PCDHGA8: variants seen among roughly 807,000 people sequenced by gnomAD.
PCDHGA8 encodes protocadherin gamma-A8.
Under a neutral mutation model 59.2 loss-of-function variants are expected in PCDHGA8, and 45 were observed. The observed-to-expected ratio is 0.76, with a 90% CI of 0.60 to 0.98. The LOEUF (loss-of-function observed/expected upper bound fraction) is 0.98, where lower values mean the gene tolerates loss of function less well. Ranked by LOEUF, PCDHGA8 falls within the 50% of genes least tolerant of loss-of-function variation. The pLI is 0.00. For synonymous variants in PCDHGA8, 531 were observed against 519.0 expected (o/e 1.02, Z -0.32); for missense variants, 1,257 against 1,196.2 (o/e 1.05, Z -0.75).
At chr5:141,453,178 A>G (rs939398654) in intron 1 of PCDHGA8, among the ~76,000 whole-genome samples, 1 of 152,128 alleles carries the variant, frequency 6.6e-6, no homozygotes, top group African/African-American at 2.4e-5. Flanking sequence ...CAGTGGTACA[A>G]TCACAGCTCA....
In PCDHGA8 at chr5:141,485,013, C is replaced by A. The variant is rs551059588; in HGVS notation, c.2425-9794C>A. ...GTGAAAGGCAGACAAATCTACCCCG[C>A]CACCAGCAAAAACGGCGCGTAACCC... On this transcript the variant is annotated intron_variant, in intron 1 of 3. Coordinates refer to ENST00000398604, the MANE Select transcript of PCDHGA8 (RefSeq NM_032088.2). This position sits in a 1 kb window ranked among gnomAD's most constrained non-coding sequence, Gnocchi z 5.7. The A allele has an allele frequency of 6.3e-6, 4 of 634,556 alleles. No homozygotes were observed. Among genetic ancestry groups the A allele is most frequent in the South Asian group, 3.9e-5 (2 of 51,594 alleles). The allele number at this position is 634,556 out of a possible 1,614,324, so 39.3% of individuals were successfully genotyped here. A position where few individuals can be genotyped will look rare whatever the true frequency, so the allele number is the denominator to read the frequency against.
chr5:141,400,050 T>C (rs2093950243), intron 1 of PCDHGA8: 2 of 1,613,616 alleles, frequency 1.2e-6, no homozygotes, highest in Non-Finnish European at 1.7e-6. Flanking sequence ...TGCTGGTTGC[T>C]GTGCGTGATG....
At chr5:141,457,607 T>C (rs578113551) in intron 1 of PCDHGA8, among the ~76,000 whole-genome samples, 2 of 152,360 alleles carry the variant, frequency 1.3e-5, no homozygotes, top group African/African-American at 4.8e-5. Context: ...AAACTAATTA[T>C]GAATGAACTT....
intron 1 of PCDHGA8, among the ~76,000 whole-genome samples, chr5:141,455,201 CAATAAGAGTTTTT>C (rs1373301624): frequency 6.6e-6 from 1 of 151,722 alleles, no homozygotes; most frequent in Non-Finnish European, 1.5e-5. Flanking sequence ...AATTTACAAC[CAATAAGAGTTTTT>C]AATGCTTTGA....
intron 1 of PCDHGA8, among the ~76,000 whole-genome samples, chr5:141,457,459 C>G (rs749463185): frequency 1.6e-4 from 24 of 152,166 alleles, no homozygotes; most frequent in Non-Finnish European, 3.4e-4. Context: ...CCACTTGATT[C>G]ACAGGAATAA....
chr5:141,400,493 A>G, intron 1 of PCDHGA8: 2 of 1,614,014 alleles, frequency 1.2e-6, no homozygotes, highest in South Asian at 2.2e-5. Flanking sequence ...CCACTTTGTA[A>G]TTCCAGCGAG....
At chr5:141,465,757 T>C (rs2099108578) in intron 1 of PCDHGA8, among the ~76,000 whole-genome samples, 1 of 152,046 alleles carries the variant, frequency 6.6e-6, no homozygotes, top group South Asian at 2.1e-4. Context: ...ACTGGTAAAG[T>C]CATGTTTCAT....
intron 1 of PCDHGA8, chr5:141,441,182 CA>C (rs1434822697): frequency 6.6e-6 from 1 of 152,140 alleles, no homozygotes; most frequent in African/African-American, 2.4e-5. Flanking sequence ...TCTAATTCCA[CA>C]ATGATTCCCA....
intron 1 of PCDHGA8, chr5:141,422,019 G>C: frequency 6.2e-7 from 1 of 1,610,862 alleles, no homozygotes; most frequent in Non-Finnish European, 8.5e-7. Context: ...GGGTGCTGAT[G>C]GTTAATGCAA....
chr5:141,427,832 T>C, intron 1 of PCDHGA8: 1 of 1,540,264 alleles, frequency 6.5e-7, no homozygotes, highest in Non-Finnish European at 8.9e-7. Flanking sequence ...TCGCGCAGCG[T>C]GCCTTCGACC....
At chr5:141,503,981 C>T (rs774655880) in intron 2 of PCDHGA8, among the ~76,000 whole-genome samples, 4 of 152,300 alleles carry the variant, frequency 2.6e-5, no homozygotes, top group East Asian at 1.9e-4. Flanking sequence ...CCAAACCCTT[C>T]TTCTTACCTT....
chr5:141,436,817 TA>T (rs1431750380), intron 1 of PCDHGA8, among the ~76,000 whole-genome samples: 1 of 152,244 alleles, frequency 6.6e-6, no homozygotes, highest in Non-Finnish European at 1.5e-5. Context: ...ACAGCTGGTT[TA>T]AAAATCTTAA....
chr5:141,413,418 G>C (rs748857146), intron 1 of PCDHGA8: 1 of 1,614,084 alleles, frequency 6.2e-7, no homozygotes, highest in Admixed American at 1.7e-5. Context: ...TTTTCTCTCT[G>C]AACCCGCGCA....
chr5:141,419,522 C>A, intron 1 of PCDHGA8: 4 of 1,612,178 alleles, frequency 2.5e-6, no homozygotes, highest in Non-Finnish European at 3.4e-6. Context: ...GGTGGGCGAC[C>A]GTAACGACAA....
chr5:141,455,529 G>A (rs2098825323), intron 1 of PCDHGA8, among the ~76,000 whole-genome samples: 1 of 152,146 alleles, frequency 6.6e-6, no homozygotes, highest in Non-Finnish European at 1.5e-5. Flanking sequence ...GGTTTGACCA[G>A]GCATATCATT....
chr5:141,458,165 A>T lies in PCDHGA8; in HGVS notation c.2425-36642A>T, dbSNP rs10075475. On this transcript the variant is annotated intron_variant, in intron 1 of 3. Coordinates refer to ENST00000398604, the MANE Select transcript of PCDHGA8 (RefSeq NM_032088.2). Reference sequence around the variant, plus strand: ...TGAACATGCTCCAAATTTTGTTCACAGTAGTATACCTTACTTGATTATTAA... The same window carrying T: ...TGAACATGCTCCAAATTTTGTTCACTGTAGTATACCTTACTTGATTATTAA... Among the ~76,000 whole-genome samples the T allele has an allele frequency of 2.4e-3, 368 of 152,356 alleles. 2 individuals carry two copies. The highest frequency in any genetic ancestry group is 8.5e-3 in the African/African-American group (354 of 41,588).
At position 141,490,357 on chromosome 5, in the gene PCDHGA8, A is replaced by G; in HGVS notation, c.2425-4450A>G. ...AGTGGGCACAGTAGTGGGGTTGTTT[A>G]ATGTGCGAGACCGGGACTCAGGTAG... On this transcript the variant is annotated intron_variant, in intron 1 of 3. Transcript: ENST00000398604. This position sits in a 1 kb window ranked among gnomAD's most constrained non-coding sequence, Gnocchi z 5.4. The G allele has an allele frequency of 6.2e-7, 1 of 1,614,178 alleles. No individual in the cohort carries two copies. The highest frequency in any genetic ancestry group is 8.5e-7 in the Non-Finnish European group (1 of 1,180,030).
intron 1 of PCDHGA8, among the ~76,000 whole-genome samples, chr5:141,455,967 A>T (rs965245893): frequency 2.7e-5 from 4 of 150,838 alleles, no homozygotes; most frequent in Non-Finnish European, 4.4e-5. Flanking sequence ...GCGCGATCTC[A>T]GCTCACTGCA....
At chr5:141,405,173 G>A (rs774181376) in intron 1 of PCDHGA8, 1 of 1,614,122 alleles carries the variant, frequency 6.2e-7, no homozygotes, top group Non-Finnish European at 8.5e-7. Context: ...CTCACACTTT[G>A]TGGGTGTAGA....
Sources: allele counts gnomAD v4.1 joint callset (sites outside exome capture counted in the v4.1 genomes callset), GRCh38; gene constraint gnomAD v4.1.1; non-coding constraint Gnocchi (gnomAD v3.1); transcripts MANE v1.5; gene names NCBI Gene and HGNC (gene_info 2026-07-23, HGNC 2026-07-21).